The following IPCEF1 variants were observed in gnomAD, a reference collection of about 807,000 sequenced individuals.
The protein encoded by IPCEF1 is interaction protein for cytohesin exchange factors 1.
IPCEF1 carries 31 observed loss-of-function variants against 50.9 expected under a neutral mutation model. The observed-to-expected ratio is 0.61, with a 90% CI of 0.46 to 0.82. The LOEUF is 0.82. Among genes scored for constraint, IPCEF1 ranks in the 40% least tolerant of loss-of-function variants. IPCEF1 has a pLI of 0.00. For synonymous variants in IPCEF1, 181 were observed against 192.0 expected, an observed-to-expected ratio of 0.94 and a Z score of 0.47; for missense variants, 458 against 514.0, an observed-to-expected ratio of 0.89 and a Z score of 1.05.
At chr6:154,236,137 C>T (rs966602374) in intron 5 of IPCEF1, among the ~76,000 whole-genome samples, 2 of 152,068 alleles carry the variant, frequency 1.3e-5, no homozygotes, top group African/African-American at 2.4e-5. Context: ...AAGGTAGAAG[C>T]GACCCAAGTG....
At chr6:154,314,756 A>C (rs1783170228) in intron 1 of IPCEF1, among the ~76,000 whole-genome samples, 1 of 152,178 alleles carries the variant, frequency 6.6e-6, no homozygotes, top group Admixed American at 6.5e-5. Context: ...GATAAAAACC[A>C]CAAAAGAACA....
At chr6:154,210,809 T>G (rs1269222813) in intron 9 of IPCEF1, among the ~76,000 whole-genome samples, 1 of 152,236 alleles carries the variant, frequency 6.6e-6, no homozygotes, top group Non-Finnish European at 1.5e-5. Flanking sequence ...TAATTTTGGC[T>G]AATCATATTT....
intron 1 of IPCEF1, among the ~76,000 whole-genome samples, chr6:154,316,579 A>G (rs1373541069): frequency 6.6e-6 from 1 of 152,254 alleles, no homozygotes; most frequent in Non-Finnish European, 1.5e-5. Flanking sequence ...TTGAAGTCAT[A>G]GATGCAAAGA....
chr6:154,297,275 T>G (rs533800181), intron 1 of IPCEF1, among the ~76,000 whole-genome samples: 1 of 152,204 alleles, frequency 6.6e-6, no homozygotes, highest in East Asian at 1.9e-4. Context: ...CCTGGGCTCA[T>G]GCAATCCACC....
intron 1 of IPCEF1, among the ~76,000 whole-genome samples, chr6:154,330,734 ACTGGGCCTTCCTAAGTT>A (rs1314240619): frequency 1.6e-4 from 25 of 152,176 alleles, no homozygotes; most frequent in African/African-American, 5.1e-4. Context: ...CAGCTGTGGA[ACTGGGCCTTCCTAAGTT>A]CTGATTCTGT....
chr6:154,285,204 T>C (rs1782331146), intron 2 of IPCEF1, among the ~76,000 whole-genome samples: 2 of 152,226 alleles, frequency 1.3e-5, no homozygotes, highest in Admixed American at 1.3e-4. Flanking sequence ...GGCTGGAAGG[T>C]AATTTTATTA....
At chr6:154,318,224 G>A (rs1436447336) in intron 1 of IPCEF1, among the ~76,000 whole-genome samples, 3 of 152,050 alleles carry the variant, frequency 2.0e-5, no homozygotes, top group African/African-American at 4.8e-5. Flanking sequence ...GGAGCAAGAC[G>A]GGAAAAATTC....
At chr6:154,287,139 G>A (rs1019610900) in intron 2 of IPCEF1, among the ~76,000 whole-genome samples, 1 of 144,832 alleles carries the variant, frequency 6.9e-6, no homozygotes, top group Non-Finnish European at 1.5e-5. Context: ...TTAAAAGTGT[G>A]TAGCACTTTG....
chr6:154,310,572 G>A (rs552247340), intron 1 of IPCEF1, among the ~76,000 whole-genome samples: 45 of 152,268 alleles, frequency 3.0e-4, no homozygotes, highest in African/African-American at 7.5e-4. Flanking sequence ...GTATGTCAAA[G>A]AGATATCTGT....
chr6:154,178,971 T>C (rs749960005), intron 10 of IPCEF1, among the ~76,000 whole-genome samples: 2 of 152,220 alleles, frequency 1.3e-5, no homozygotes, highest in Non-Finnish European at 2.9e-5. Flanking sequence ...ATTGGCTGTT[T>C]TGTGTGTCAT....
rs565437930 is a variant in IPCEF1, at chr6:154,167,531, T to A, written c.1104+389A>T. Among the ~76,000 whole-genome samples, 3 of 152,336 alleles carry A rather than the reference T, an allele frequency of 2.0e-5. No individual in the cohort carries two copies. In the East Asian group the frequency reaches 5.8e-4, roughly 29 times the overall value. ...GTATGAATCAGATGAAAATTCGAGATCTTATTTATACGACTGTTTATTCTC... is the reference window on the plus strand; with the variant it reads ...GTATGAATCAGATGAAAATTCGAGAACTTATTTATACGACTGTTTATTCTC... On this transcript the variant is annotated intron_variant, in intron 11 of 11. Coordinates refer to ENST00000367220, the MANE Select transcript of IPCEF1 (RefSeq NM_001130700.2).
In IPCEF1 at chr6:154,280,430, T is replaced by TAA. The variant is rs3070843; in HGVS notation, c.-18+9281_-18+9282dup. 8.0e-3 allele frequency among the ~76,000 whole-genome samples: 1,209 copies of TAA among 151,094 alleles called. 22 individuals carry two copies. Among genetic ancestry groups the TAA allele is most frequent in the African/African-American group, 0.028 (1,160 of 41,212 alleles). The stretch of plus-strand genomic sequence containing the variant: ...AGAGGTAAATCATTTAAAAAATTGT[T>TAA]AAAAAAAAATGTCCATCAATGGGAA... On this transcript the variant is annotated intron_variant, in intron 2 of 11. Transcript: ENST00000367220.
chr6:154,211,703 A>C (rs9479792), intron 9 of IPCEF1, among the ~76,000 whole-genome samples: 11,148 of 152,276 alleles, frequency 0.073, 507 homozygotes, highest in African/African-American at 0.12. Context: ...GGAACAGTTT[A>C]AAAAAGATTA....
rs769289836 is a variant in IPCEF1, at chr6:154,199,931, G to C, written c.647C>G (p.Ser216Cys). The stretch of plus-strand genomic sequence containing the variant: ...GTCAGGCAAGGATTGTCTCTCTTTA[G>C]ATAAGGAGGAAGGAAAACTGCTGGG... ...KTPSSFPSSL[S>C]KERQSLPDTV... The change falls in exon 10 of 12, where the codon TCT (serine) becomes TGT (cysteine). Residue 216 changes from serine (S) to cysteine (C), a missense_variant. Ser to Cys is a moderately radical substitution (Grantham distance 112, BLOSUM62 -1). Transcript: ENST00000367220. 18 of 1,614,058 alleles carry C rather than the reference G, an allele frequency of 1.1e-5. No individual in the cohort carries two copies. In the South Asian group the frequency reaches 2.0e-4, roughly 18 times the overall value.
chr6:154,320,953 G>A (rs896901297), intron 1 of IPCEF1, among the ~76,000 whole-genome samples: 8 of 151,822 alleles, frequency 5.3e-5, no homozygotes, highest in African/African-American at 1.9e-4. Context: ...TTGTTGTTGC[G>A]ACAGGATCTT....
chr6:154,343,267 C>T (rs1379980431), intron 1 of IPCEF1, among the ~76,000 whole-genome samples: 1 of 152,152 alleles, frequency 6.6e-6, no homozygotes, highest in Non-Finnish European at 1.5e-5. Context: ...CTCAAAGCCA[C>T]TGCATCTTTT....
At chr6:154,186,107 C>T (rs1052823170) in intron 10 of IPCEF1, among the ~76,000 whole-genome samples, 2 of 152,226 alleles carry the variant, frequency 1.3e-5, no homozygotes, top group Non-Finnish European at 2.9e-5. Flanking sequence ...TCTTCAAATA[C>T]AACTATATGC....
chr6:154,285,806 T>C (rs1782346057), intron 2 of IPCEF1, among the ~76,000 whole-genome samples: 1 of 152,192 alleles, frequency 6.6e-6, no homozygotes, highest in Non-Finnish European at 1.5e-5. Context: ...GAGTTGTTTC[T>C]TTATTAGAGG....
chr6:154,305,844 C>T (rs377605976), intron 1 of IPCEF1, among the ~76,000 whole-genome samples: 1 of 152,330 alleles, frequency 6.6e-6, no homozygotes, highest in African/African-American at 2.4e-5. Flanking sequence ...ATATCAGACT[C>T]CAAGTTCTTC....
Sources: allele counts gnomAD v4.1 joint callset (sites outside exome capture counted in the v4.1 genomes callset), GRCh38; gene constraint gnomAD v4.1.1; transcripts MANE v1.5; gene names NCBI Gene and HGNC (gene_info 2026-07-23, HGNC 2026-07-21).